LANCL1: variants seen among roughly 807,000 people sequenced by gnomAD.
LANCL1 encodes LanC like glutathione S-transferase 1.
In LANCL1, 50 loss-of-function variants were observed where a neutral mutation model predicts 50.6. The observed-to-expected ratio is 0.99, with a 90% confidence interval of 0.79 to 1.25. The LOEUF (loss-of-function observed/expected upper bound fraction) is 1.25. LANCL1 is among the 50% of genes most tolerant of loss of function. The pLI is 0.00. For missense variants in LANCL1, 532 were observed against 480.7 expected (o/e 1.11, Z -1.00); for synonymous variants, 188 against 178.6 (o/e 1.05, Z -0.42).
At chr2:210,450,482 A>G (rs1419503390) in intron 4 of LANCL1, among the ~76,000 whole-genome samples, 2 of 152,242 alleles carry the variant, frequency 1.3e-5, no homozygotes, top group Non-Finnish European at 2.9e-5. Context: ...ACAAAAGCCA[A>G]AATTGACAAA....
At chr2:210,449,315 A>T (rs538537330) in intron 4 of LANCL1, among the ~76,000 whole-genome samples, 2 of 152,342 alleles carry the variant, frequency 1.3e-5, no homozygotes, top group Non-Finnish European at 2.9e-5. Context: ...CTTCATGCTA[A>T]AAACTCTGAA....
chr2:210,453,606 T>C (rs1693573884), intron 4 of LANCL1, among the ~76,000 whole-genome samples: 1 of 152,234 alleles, frequency 6.6e-6, no homozygotes, highest in South Asian at 2.1e-4. Flanking sequence ...GCTGGCATTA[T>C]ATATAGAATA....
At chr2:210,465,626 C>T (rs1009299243) in intron 3 of LANCL1, among the ~76,000 whole-genome samples, 1 of 151,986 alleles carries the variant, frequency 6.6e-6, no homozygotes, top group Non-Finnish European at 1.5e-5. Flanking sequence ...TTCAAGAAAA[C>T]GTGAAGTCAA....
At chr2:210,438,884 AAC>A (rs1693029995) in intron 6 of LANCL1, among the ~76,000 whole-genome samples, 1 of 152,178 alleles carries the variant, frequency 6.6e-6, no homozygotes, top group Non-Finnish European at 1.5e-5. Context: ...TAATGTCTTT[AAC>A]AGATTCAAAG....
At chr2:210,477,004 T>C (rs1009349839), upstream of LANCL1, among the ~76,000 whole-genome samples, 6 of 151,950 alleles carry the variant, frequency 3.9e-5, no homozygotes, top group African/African-American at 1.2e-4. Context: ...ATAAGAAGTA[T>C]ATATTTTTTT....
chr2:210,456,664 C>T (rs1417098027), intron 3 of LANCL1, among the ~76,000 whole-genome samples: 5 of 152,120 alleles, frequency 3.3e-5, no homozygotes, highest in African/African-American at 1.2e-4. Flanking sequence ...CATCTCCATC[C>T]ATATCACGCA....
chr2:210,455,184 A>C lies in LANCL1; in HGVS notation c.330T>G (p.Asp110Glu), dbSNP rs771194449. 1 of 1,613,808 alleles carries C rather than the reference A, an allele frequency of 6.2e-7. No individual in the cohort carries two copies. Among genetic ancestry groups the C allele is most frequent in the Admixed American group, 1.7e-5 (1 of 59,958 alleles). Residue 110 changes from aspartate to glutamate, a missense_variant, in exon 4 of 10, where the codon GAT becomes GAG. By Grantham distance (45) the Asp-to-Glu change is conservative. Transcript: ENST00000450366. Reference sequence around the variant, plus strand: ...CAGCGGCCACTGCCAGGGGGCCTGCATCCCCACAAAGGAAGGTGATGGAGC... The same window carrying C: ...CAGCGGCCACTGCCAGGGGGCCTGCCTCCCCACAAAGGAAGGTGATGGAGC... ...TKRSITFLCG[D>E]AGPLAVAAVL...
At chr2:210,464,030 T>A (rs2105918811) in intron 3 of LANCL1, among the ~76,000 whole-genome samples, 1 of 152,346 alleles carries the variant, frequency 6.6e-6, no homozygotes, top group African/African-American at 2.4e-5. Flanking sequence ...ATAATTTCAG[T>A]TGTAAAACAG....
rs765188531 is a variant in LANCL1, at chr2:210,436,259, T to G, written c.1007A>C (p.Tyr336Ser). Residue 336 changes from tyrosine to serine, a missense_variant, in exon 8 of 10, where the codon TAC (tyrosine) becomes TCC (serine). Transcript: ENST00000450366. Reference protein sequence around the residue: ...AGNAYAFLTLYNLTQDMKYLY... With the variant: ...AGNAYAFLTLSNLTQDMKYLY... Reference sequence around the variant, plus strand: ...GTACTTCATGTCCTGTGTGAGGTTGTAGAGTGTCAGGAAGGCATAGGCATT... The same window carrying G: ...GTACTTCATGTCCTGTGTGAGGTTGGAGAGTGTCAGGAAGGCATAGGCATT... 5 of 1,613,934 alleles carry G rather than the reference T, an allele frequency of 3.1e-6. No homozygotes were observed. The highest frequency in any genetic ancestry group is 4.2e-6 in the Non-Finnish European group (5 of 1,179,950).
intron 3 of LANCL1, among the ~76,000 whole-genome samples, chr2:210,464,168 A>G (rs956056849): frequency 7.9e-5 from 12 of 152,210 alleles, no homozygotes; most frequent in African/African-American, 2.4e-4. Flanking sequence ...GAATAATCCT[A>G]TTCTAAATCC....
At chr2:210,457,129 T>C (rs1256854166) in intron 3 of LANCL1, among the ~76,000 whole-genome samples, 2 of 152,162 alleles carry the variant, frequency 1.3e-5, no homozygotes, top group Non-Finnish European at 2.9e-5. Flanking sequence ...CTGCAGATGA[T>C]AGTTTACTGT....
At chr2:210,453,696 T>C (rs1231470113) in intron 4 of LANCL1, among the ~76,000 whole-genome samples, 1 of 152,148 alleles carries the variant, frequency 6.6e-6, no homozygotes, top group East Asian at 1.9e-4. Context: ...TCTAAAGCAG[T>C]TGTTGGCTGA....
intron 2 of LANCL1, among the ~76,000 whole-genome samples, chr2:210,473,021 C>T (rs991452701): frequency 6.6e-6 from 1 of 152,154 alleles, no homozygotes; most frequent in African/African-American, 2.4e-5. Flanking sequence ...TTACGTTATT[C>T]TTCTTAAAGG....
At chr2:210,446,702 T>C (rs895438520) in intron 4 of LANCL1, among the ~76,000 whole-genome samples, 3 of 151,812 alleles carry the variant, frequency 2.0e-5, no homozygotes, top group Non-Finnish European at 2.9e-5. Context: ...GAGAGCTTTG[T>C]GAAGCATACA....
intron 4 of LANCL1, among the ~76,000 whole-genome samples, chr2:210,454,769 C>T (rs1397174593): frequency 6.6e-6 from 1 of 152,134 alleles, no homozygotes; most frequent in Non-Finnish European, 1.5e-5. Flanking sequence ...AAGGACTCTC[C>T]CAGCCCACCT....
At chr2:210,467,201 T>C (rs1426764272) in intron 3 of LANCL1, among the ~76,000 whole-genome samples, 1 of 152,218 alleles carries the variant, frequency 6.6e-6, no homozygotes, top group Non-Finnish European at 1.5e-5. Flanking sequence ...GATTCGTATA[T>C]GGTATGGGCA....
chr2:210,448,426 A>G (rs1693414008), intron 4 of LANCL1, among the ~76,000 whole-genome samples: 1 of 152,248 alleles, frequency 6.6e-6, no homozygotes, highest in African/African-American at 2.4e-5. Flanking sequence ...ACACCTTAAC[A>G]TCACAATTAA....
intron 4 of LANCL1, among the ~76,000 whole-genome samples, chr2:210,450,451 A>T (rs748781320): frequency 6.6e-6 from 1 of 152,236 alleles, no homozygotes; most frequent in Non-Finnish European, 1.5e-5. Context: ...CTTCATGACT[A>T]AAACACCAAA....
At chr2:210,474,436 C>A (rs1041262385) in intron 2 of LANCL1, among the ~76,000 whole-genome samples, 13 of 151,948 alleles carry the variant, frequency 8.6e-5, no homozygotes, top group African/African-American at 2.7e-4. Flanking sequence ...TTAAATTTGG[C>A]CCGACATGGT....
Sources: allele counts gnomAD v4.1 joint callset (sites outside exome capture counted in the v4.1 genomes callset), GRCh38; gene constraint gnomAD v4.1.1; transcripts MANE v1.5; gene names NCBI Gene and HGNC (gene_info 2026-07-23, HGNC 2026-07-21).